CPNE4: variants seen among roughly 807,000 people sequenced by gnomAD.
The protein encoded by CPNE4 is copine 4.
Under a neutral mutation model 67.9 loss-of-function variants are expected in CPNE4, and 25 were observed. The observed-to-expected ratio is 0.37, with a 90% CI of 0.27 to 0.51. The LOEUF is 0.51. CPNE4 is among the 20% of genes least tolerant of loss of function. CPNE4 has a pLI of 0.93. For missense variants in CPNE4, 464 were observed against 690.8 expected (o/e 0.67, Z 3.68); for synonymous variants, 242 against 244.9 (o/e 0.99, Z 0.11).
intron 1 of CPNE4, among the ~76,000 whole-genome samples, chr3:131,909,846 A>T (rs1016151086): frequency 1.1e-4 from 17 of 152,154 alleles, no homozygotes; most frequent in Non-Finnish European, 2.5e-4. Flanking sequence ...TAATGATAGT[A>T]AATTTAAGTA....
chr3:131,825,618 G>A (rs2085127690), intron 2 of CPNE4, among the ~76,000 whole-genome samples: 1 of 152,082 alleles, frequency 6.6e-6, no homozygotes, highest in Admixed American at 6.6e-5. Context: ...AAAGAGAAGG[G>A]TCGAGGATCA....
chr3:131,909,892 ATG>A (rs1560584177), intron 1 of CPNE4, among the ~76,000 whole-genome samples: 1 of 150,952 alleles, frequency 6.6e-6, no homozygotes. Flanking sequence ...CTGGAGGCAC[ATG>A]TTTAGAGTTT....
intron 1 of CPNE4, among the ~76,000 whole-genome samples, chr3:131,929,053 AG>A (rs1202615270): frequency 6.6e-6 from 1 of 152,168 alleles, no homozygotes; most frequent in Non-Finnish European, 1.5e-5. Context: ...CTCTCCATCA[AG>A]GAGGCCTTGA....
intron 2 of CPNE4, among the ~76,000 whole-genome samples, chr3:131,861,402 T>TTGTGTGTGTG (rs5852659): frequency 2.8e-5 from 4 of 144,540 alleles, no homozygotes; most frequent in African/African-American, 7.9e-5. Context: ...TATCTCATCT[T>TTGTGTGTGTG]TGTGTGTGTG....
intron 2 of CPNE4, among the ~76,000 whole-genome samples, chr3:131,754,373 A>C (rs1385633721): frequency 1.3e-5 from 2 of 152,164 alleles, no homozygotes; most frequent in African/African-American, 4.8e-5. Flanking sequence ...AAAGAAGTAT[A>C]AGAAAAAAAA....
intron 2 of CPNE4, among the ~76,000 whole-genome samples, chr3:131,882,995 G>A (rs1483460193): frequency 2.6e-5 from 4 of 152,080 alleles, no homozygotes; most frequent in Non-Finnish European, 5.9e-5. Context: ...GGGATTACAG[G>A]CGTGAGCCAC....
At chr3:131,943,477 A>C (rs2071459421) in intron 1 of CPNE4, among the ~76,000 whole-genome samples, 1 of 152,186 alleles carries the variant, frequency 6.6e-6, no homozygotes, top group Non-Finnish European at 1.5e-5. Flanking sequence ...TTACTACAGC[A>C]ACAGCAACTA....
At chr3:131,991,343 T>A (rs151296776) in intron 1 of CPNE4, among the ~76,000 whole-genome samples, 1 of 136,320 alleles carries the variant, frequency 7.3e-6, no homozygotes, top group Admixed American at 8.2e-5. Context: ...ACTTGTTGAA[T>A]GGTTTCAACC....
At chr3:131,672,837 A>G (rs1259083547) in intron 6 of CPNE4, among the ~76,000 whole-genome samples, 2 of 151,452 alleles carry the variant, frequency 1.3e-5, no homozygotes, top group Non-Finnish European at 1.5e-5. Flanking sequence ...ATTTTTTTTT[A>G]ACTTGATGTG....
intron 2 of CPNE4, among the ~76,000 whole-genome samples, chr3:131,797,728 G>A (rs987342194): frequency 1.3e-5 from 2 of 152,134 alleles, no homozygotes; most frequent in Middle Eastern, 3.2e-3. Context: ...GATGTTCTGA[G>A]ATATATAAGC....
chr3:131,978,189 T>A (rs1235110887), intron 1 of CPNE4, among the ~76,000 whole-genome samples: 1 of 56,652 alleles, frequency 1.8e-5, no homozygotes, highest in Admixed American at 3.3e-4. Flanking sequence ...ATATATAATA[T>A]ATTTATAATT....
chr3:131,577,213 G>A (rs114116172), intron 9 of CPNE4, among the ~76,000 whole-genome samples: 5,523 of 152,050 alleles, frequency 0.036, 298 homozygotes, highest in African/African-American at 0.12. Context: ...TAAGGATATG[G>A]TCCTGTATAT....
chr3:131,691,157 A>G (rs1560122399), intron 5 of CPNE4, among the ~76,000 whole-genome samples: 1 of 152,196 alleles, frequency 6.6e-6, no homozygotes, highest in Non-Finnish European at 1.5e-5. Flanking sequence ...GATTTCTTAA[A>G]GAGCTTAAAA....
intron 2 of CPNE4, among the ~76,000 whole-genome samples, chr3:131,770,914 C>T (rs1025337436): frequency 6.6e-6 from 1 of 152,136 alleles, no homozygotes; most frequent in African/African-American, 2.4e-5. Context: ...AATATGGAGA[C>T]ATTACATATC....
intron 2 of CPNE4, among the ~76,000 whole-genome samples, chr3:131,861,175 T>C (rs904809597): frequency 1.3e-5 from 2 of 152,224 alleles, no homozygotes; most frequent in Non-Finnish European, 2.9e-5. Flanking sequence ...GACATTGTTA[T>C]AGGCTTGGTT....
Position 131,787,983 on chromosome 3 carries a change from CT to C in CPNE4, c.181-64359del, listed in dbSNP as rs563938254. Among the ~76,000 whole-genome samples, 543 of 152,168 alleles carry C rather than the reference CT, an allele frequency of 3.6e-3. 5 individuals carry two copies. The highest frequency in any genetic ancestry group is 0.013 in the African/African-American group (527 of 41,538). On this transcript the variant is annotated intron_variant, in intron 2 of 15. Coordinates refer to ENST00000429747, the MANE Select transcript of CPNE4 (RefSeq NM_130808.3). Reference sequence around the variant, plus strand: ...ATTGAGAGAAAAAGATTAATTAGCACTTGTATCATACATGCTTCAAAATGAA... The same window carrying C: ...ATTGAGAGAAAAAGATTAATTAGCACTGTATCATACATGCTTCAAAATGAA...
chr3:131,570,154 A>T (rs1937259663), intron 10 of CPNE4, among the ~76,000 whole-genome samples: 1 of 151,828 alleles, frequency 6.6e-6, no homozygotes, highest in Non-Finnish European at 1.5e-5. Flanking sequence ...ATTTAAAGGA[A>T]TACTGTAATT....
chr3:131,837,119 C>T (rs1606513), intron 2 of CPNE4, among the ~76,000 whole-genome samples: 38,138 of 151,980 alleles, frequency 0.25, 4,966 homozygotes, highest in East Asian at 0.36. Context: ...CTCTCATGTA[C>T]TGTTGGTGGG....
At chr3:132,016,796 C>T (rs1342662560) in intron 1 of CPNE4, among the ~76,000 whole-genome samples, 1 of 152,226 alleles carries the variant, frequency 6.6e-6, no homozygotes, top group Non-Finnish European at 1.5e-5. Flanking sequence ...CTCCTTCATC[C>T]ATCTAGCAGT....
Sources: gnomAD v4.1 joint callset for allele counts (sites outside exome capture counted in the v4.1 genomes callset) on GRCh38, gnomAD v4.1.1 for gene constraint, MANE v1.5 for transcripts, NCBI Gene and HGNC (gene_info 2026-07-23, HGNC 2026-07-21) for gene names.